Variants in KRI1 observed in about 807,000 individuals in gnomAD.
KRI1 encodes the protein KRI1 homolog.
A neutral mutation model predicts 97.0 loss-of-function variants in KRI1; 83 were observed. That is an observed-to-expected ratio of 0.86 (90% CI 0.72 to 1.03). The LOEUF (loss-of-function observed/expected upper bound fraction) is 1.03. Ranked by LOEUF, KRI1 falls within the 50% of genes least tolerant of loss-of-function variation. KRI1 has a pLI of 0.00. For missense variants in KRI1, 916 were observed against 928.4 expected, an observed-to-expected ratio of 0.99 and a Z score of 0.17; for synonymous variants, 371 against 363.5, an observed-to-expected ratio of 1.02 and a Z score of -0.23.
chr19:10,557,759 T>G lies in KRI1; in HGVS notation c.1486+10A>C. ...CCTGCCTACCCACGGCCTGCCCACC[T>G]GGGCCTCACCGGGTTCAAACACGGG... On this transcript the variant is annotated intron_variant, in intron 15 of 18. Coordinates refer to ENST00000312962, the MANE Select transcript of KRI1 (RefSeq NM_023008.5). 1 of 1,613,472 alleles carries G rather than the reference T, an allele frequency of 6.2e-7. No homozygotes were observed. The highest frequency in any genetic ancestry group is 1.1e-5 in the South Asian group (1 of 91,070).
At chr19:10,557,166 G>A (rs1197148873) in intron 16 of KRI1, among the ~76,000 whole-genome samples, 1 of 147,574 alleles carries the variant, frequency 6.8e-6, no homozygotes, top group Non-Finnish European at 1.5e-5. Flanking sequence ...GTGCAGTGGT[G>A]CAATCTCGGC....
intron 16 of KRI1, among the ~76,000 whole-genome samples, chr19:10,556,725 T>C (rs1916511781): frequency 6.6e-6 from 1 of 151,954 alleles, no homozygotes; most frequent in Admixed American, 6.6e-5. Flanking sequence ...GTGTGGTGGC[T>C]CACACGCAGA....
Position 10,562,664 on chromosome 19 carries a change from C to G in KRI1, c.383+65G>C, listed in dbSNP as rs12977138. On this transcript the variant is annotated intron_variant, in intron 4 of 18. Coordinates refer to ENST00000312962, the MANE Select transcript of KRI1 (RefSeq NM_023008.5). ...GCCAGCTTTTTTCCCTCTCCTGCCCCTAAGACCCCCATAGACCTGACAGGG... is the reference window on the plus strand; with the variant it reads ...GCCAGCTTTTTTCCCTCTCCTGCCCGTAAGACCCCCATAGACCTGACAGGG... 7 of 971,978 alleles carry G rather than the reference C, an allele frequency of 7.2e-6. No homozygotes were observed. The East Asian group carries it at 1.7e-4, about 23-fold the overall frequency. The allele number at this position is 971,978 out of a possible 1,614,324, so 60.2% of individuals were successfully genotyped here.
chr19:10,565,455 G>C (rs182078576), intron 2 of KRI1: 3 of 556,784 alleles, frequency 5.4e-6, no homozygotes, highest in South Asian at 4.5e-5. Flanking sequence ...AAGAGGAAAG[G>C]GGGGGTTCTT....
At chr19:10,555,850 G>A (rs560953228) in intron 16 of KRI1, among the ~76,000 whole-genome samples, 8 of 152,330 alleles carry the variant, frequency 5.3e-5, no homozygotes, top group East Asian at 1.9e-4. Context: ...ACCTTCAGCC[G>A]TCATCAGTCA....
In KRI1 at chr19:10,565,767, C is replaced by T. The variant is rs748164676; in HGVS notation, c.118G>A (p.Asp40Asn). Residue 40 changes from aspartate to asparagine, a missense_variant, in exon 2 of 19, where the codon GAC becomes AAC. Physicochemically the swap from Asp to Asn is conservative, Grantham distance 23 (BLOSUM62 1). Transcript: ENST00000312962. The stretch of plus-strand genomic sequence containing the variant: ...TCGGAGCTGGAGTCGCTGCTGCTGT[C>T]TCGGTCCCCGTAGCGATCCTTCACT... Reference protein sequence around the residue: ...QRLKDRYGDRDSSSDSSSESD... With the variant: ...QRLKDRYGDRNSSSDSSSESD... 2 of 1,579,738 alleles carry T rather than the reference C, an allele frequency of 1.3e-6. No homozygotes were observed. The highest frequency in any genetic ancestry group is 1.8e-5 in the Admixed American group (1 of 56,430).
chr19:10,561,015 GGAATCTGGGTTCC>G lies in KRI1; in HGVS notation c.638_650del (p.Arg213ProfsTer2). The G allele has an allele frequency of 1.2e-6, 2 of 1,613,438 alleles. No individual in the cohort carries two copies. Among genetic ancestry groups the G allele is most frequent in the Non-Finnish European group, 8.5e-7 (1 of 1,179,364 alleles). ...CGTGAGAACTCACCAGTTCCTTCAG[GGAATCTGGGTTCC>G]GAATCTCTTTCTGTCCCTTCAGCCA... On this transcript the variant is annotated frameshift_variant, in exon 8 of 19. Transcript: ENST00000312962. LOFTEE classifies it high-confidence loss of function.
intron 3 of KRI1, among the ~76,000 whole-genome samples, chr19:10,563,693 T>G (rs947323626): frequency 6.6e-6 from 1 of 152,164 alleles, no homozygotes; most frequent in African/African-American, 2.4e-5. Context: ...AGTCTTACTC[T>G]TGCTCAGGCT....
chr19:10,565,776 C>T lies in KRI1; in HGVS notation c.109G>A (p.Gly37Arg). ...GAGTCGCTGCTGCTGTCTCGGTCCC[C>T]GTAGCGATCCTTCACTGCGGGACAC... is the stretch of plus-strand genomic sequence containing the variant. ...EELQRLKDRY[G>R]DRDSSSDSSS... The change falls in exon 2 of 19, where the codon GGG (glycine) becomes AGG (arginine). Residue 37 changes from glycine to arginine, a missense_variant. Physicochemically the swap from Gly to Arg is moderately radical, Grantham distance 125. This residue lies in a region of KRI1 where 173 missense variants were observed against 153.1 expected (regional missense o/e 1.13). Coordinates refer to ENST00000312962, the MANE Select transcript of KRI1 (RefSeq NM_023008.5). The T allele has an allele frequency of 6.3e-7, 1 of 1,576,792 alleles. No individual in the cohort carries two copies. Among genetic ancestry groups the T allele is most frequent in the Non-Finnish European group, 8.6e-7 (1 of 1,162,110 alleles).
chr19:10,559,361 G>C lies in KRI1; in HGVS notation c.1192C>G (p.Gln398Glu). 1.2e-6 allele frequency: 2 copies of C among 1,613,554 alleles called. No homozygotes were observed. Among genetic ancestry groups the C allele is most frequent in the Non-Finnish European group, 1.7e-6 (2 of 1,179,694 alleles). ...FDPAQHDQLMQKCFGDEYYGA... is the reference protein window; with the variant it reads ...FDPAQHDQLMEKCFGDEYYGA... ...TTGGGCCGGGATGAGGGCCGCACCT[G>C]CATGAGCTGGTCGTGCTGGGCAGGG... is the stretch of plus-strand genomic sequence containing the variant. Residue 398 changes from glutamine (Q) to glutamate (E), a missense_variant and splice_region_variant, in exon 12 of 19, where the codon CAG (glutamine) becomes GAG (glutamate). This residue lies in a region of KRI1 where 672 missense variants were observed against 667.2 expected (regional missense o/e 1.01). Transcript: ENST00000312962.
chr19:10,560,594 C>CT (rs1287822335), intron 8 of KRI1, 146 bp from the exon 9 acceptor site: 1 of 620,442 alleles, frequency 1.6e-6, no homozygotes, highest in African/African-American at 1.8e-5. Context: ...GAGACAGGGT[C>CT]TTACTCTGCC....
chr19:10,561,007 T>A lies in KRI1; in HGVS notation c.659A>T (p.Glu220Val). The A allele has an allele frequency of 1.9e-6, 3 of 1,613,446 alleles. No individual in the cohort carries two copies. Among genetic ancestry groups the A allele is most frequent in the Non-Finnish European group, 2.5e-6 (3 of 1,179,384 alleles). The change falls in exon 8 of 19, where the codon GAA becomes GTA. Residue 220 changes from glutamate (E) to valine (V), a missense_variant. Transcript: ENST00000312962. ...CGACCATGCGTGAGAACTCACCAGT[T>A]CCTTCAGGGAATCTGGGTTCCGAAT... ...KEIRNPDSLKELTHLKEYWND... is the reference protein window; with the variant it reads ...KEIRNPDSLKVLTHLKEYWND...
At chr19:10,555,008 CAA>C in intron 18 of KRI1, 77 bp downstream of exon 18, 1 of 1,199,908 alleles carries the variant, frequency 8.3e-7, no homozygotes, top group Non-Finnish European at 1.2e-6. Context: ...AGTCATGCAA[CAA>C]GAGGTTGACG....
Position 10,560,427 on chromosome 19 carries a change from T to C in KRI1, c.685A>G (p.Asn229Asp). Residue 229 changes from asparagine to aspartate, a missense_variant, in exon 9 of 19, where the codon AAC becomes GAC. Physicochemically the swap from Asn to Asp is conservative, Grantham distance 23. Around this residue, in one of 3 missense-constraint regions of KRI1, gnomAD observed 672 missense variants for 667.2 expected, o/e 1.01. Coordinates refer to ENST00000312962, the MANE Select transcript of KRI1 (RefSeq NM_023008.5). ...KELTHLKEYW[N>D]DPELDEGERF... is the part of the protein sequence containing the mutation. Reference sequence around the variant, plus strand: ...TCCCCTTCATCCAACTCAGGGTCGTTCCAGTATTCCTTGAGATGCGTCTGG... The same window carrying C: ...TCCCCTTCATCCAACTCAGGGTCGTCCCAGTATTCCTTGAGATGCGTCTGG... The C allele has an allele frequency of 6.2e-7, 1 of 1,613,002 alleles. No individual in the cohort carries two copies.
At chr19:10,557,737 G>A in intron 15 of KRI1, 32 bp downstream of exon 15, 2 of 1,613,842 alleles carry the variant, frequency 1.2e-6, no homozygotes, top group Non-Finnish European at 1.7e-6. Context: ...GGTGCCCCCT[G>A]CCTACCCACG....
At chr19:10,565,856 C>G (rs1916857202) in intron 1 of KRI1, 50 bp downstream of exon 1, 1 of 1,538,840 alleles carries the variant, frequency 6.5e-7, no homozygotes, top group African/African-American at 1.4e-5. Context: ...TCCCCACTTC[C>G]CAACCGGCCG....
rs200311568 is a variant in KRI1 at position 10,555,094 on chromosome 19, G to A, written c.1774C>T (p.Arg592Ter). Reference protein sequence around the residue: ...KKRQVFKSLCREEAETPAEAT... With the variant: ...KKRQVFKSLC ...CCAGCCAGCACTGCTTACTCTTCTC[G>A]GCAGAGTGACTTGAAGACCTGCCGC... is the stretch of plus-strand genomic sequence containing the variant. Residue 592 changes from arginine (R) to a stop codon, truncating the protein, a stop_gained, in exon 18 of 19, where the codon CGA becomes TGA. Transcript: ENST00000312962. LOFTEE classifies it low-confidence loss of function (END_TRUNC). 5 of 1,613,662 alleles carry A rather than the reference G, an allele frequency of 3.1e-6. No homozygotes were observed. Among genetic ancestry groups the A allele is most frequent in the Non-Finnish European group, 3.4e-6 (4 of 1,179,730 alleles).
At chr19:10,559,775 T>C (rs11672122) in intron 10 of KRI1, 35 bp downstream of exon 10, 129,101 of 1,613,378 alleles carry the variant, frequency 0.08, 5,629 homozygotes, top group Middle Eastern at 0.11. Context: ...GCCTGAACCC[T>C]GGGGGCTGAG....
At chr19:10,554,741 A>T (rs374826652) in intron 18 of KRI1, among the ~76,000 whole-genome samples, 2 of 152,130 alleles carry the variant, frequency 1.3e-5, no homozygotes, top group African/African-American at 2.4e-5. Flanking sequence ...GTGTGCATCT[A>T]TCACCCCTGC....
Sources: allele counts gnomAD v4.1 joint callset (sites outside exome capture counted in the v4.1 genomes callset), GRCh38; gene constraint gnomAD v4.1.1; regional missense constraint gnomAD v4.1.1; transcripts MANE v1.5; gene names NCBI Gene and HGNC (gene_info 2026-07-23, HGNC 2026-07-21).